The following MADCAM1 variants were observed in gnomAD, a reference collection of about 807,000 sequenced individuals.
The protein encoded by MADCAM1 is mucosal vascular addressin cell adhesion molecule 1.
Under a neutral mutation model 26.1 loss-of-function variants are expected in MADCAM1, and 19 were observed. The observed-to-expected ratio is 0.73, with a 90% confidence interval of 0.51 to 1.07. The LOEUF (loss-of-function observed/expected upper bound fraction) is 1.07, where lower values mean the gene tolerates loss of function less well. Ranked by LOEUF, MADCAM1 falls within the 50% of genes least tolerant of loss-of-function variation. MADCAM1 has a pLI of 0.00. For missense variants in MADCAM1, 514 were observed against 542.1 expected (o/e 0.95, Z 0.51); for synonymous variants, 268 against 260.9 (o/e 1.03, Z -0.26).
intron 3 of MADCAM1, among the ~76,000 whole-genome samples, chr19:499,546 G>A (rs965862601): frequency 3.3e-5 from 5 of 152,042 alleles, no homozygotes; most frequent in South Asian, 2.1e-4. Context: ...ACAGGCACAC[G>A]CGTGTACAAA....
intron 2 of MADCAM1, 140 bp downstream of exon 2, chr19:498,257 C>G (rs1206393427): frequency 1.7e-5 from 16 of 953,538 alleles, no homozygotes; most frequent in Non-Finnish European, 2.2e-5. Flanking sequence ...GGTCCCCGGC[C>G]TTCGCTTCCC....
chr19:502,125 T>C (rs1463412067), intron 4 of MADCAM1, among the ~76,000 whole-genome samples, 196 bp downstream of exon 4: 2 of 152,158 alleles, frequency 1.3e-5, no homozygotes, highest in Admixed American at 1.3e-4. Flanking sequence ...AGCCTCGGTT[T>C]CCCCATCTGC....
chr19:502,055 T>C, intron 4 of MADCAM1, 126 bp downstream of exon 4: 2 of 1,063,850 alleles, frequency 1.9e-6, no homozygotes, highest in Non-Finnish European at 2.6e-6. Flanking sequence ...CAGCCTCAGT[T>C]TCCCCGTCTG....
rs7246543 is a variant in MADCAM1, at chr19:504,830, C to T, written c.1014C>T (p.Thr338=). 12,288 of 1,612,766 alleles carry T rather than the reference C, an allele frequency of 7.6e-3. 68 individuals are homozygous for T. Among genetic ancestry groups the T allele is most frequent in the Non-Finnish European group, 9.6e-3 (11,273 of 1,179,880 alleles). The change falls in exon 5 of 5, where the codon ACC becomes ACT. Residue 338 remains threonine (T), a synonymous_variant. Transcript: ENST00000215637. ...GACTGCTGCTCCTGGCCTTGCCCAC[C>T]TATCACCTCTGGAAACGCTGCCGGC... is the stretch of plus-strand genomic sequence containing the variant. The part of the protein sequence containing the change: ...VLGLLLLALP[T]YHLWKRCRHL...
At chr19:501,077 T>C (rs2145820758) in intron 3 of MADCAM1, among the ~76,000 whole-genome samples, 1 of 152,098 alleles carries the variant, frequency 6.6e-6, no homozygotes, top group Non-Finnish European at 1.5e-5. Flanking sequence ...TGGTCCCAGC[T>C]ACTCAGGAGG....
At position 501,720 on chromosome 19, in the gene MADCAM1, C is replaced by CCCAACACCACCTCCCCGGAGTA. The variant is rs1978338619; in HGVS notation, c.719_720insCCAACACCACCTCCCCGGAGTA (p.Pro241GlnfsTer61). 1 of 1,566,588 alleles carries CCCAACACCACCTCCCCGGAGTA rather than the reference C, an allele frequency of 6.4e-7. No individual in the cohort carries two copies. The highest frequency in any genetic ancestry group is 8.7e-7 in the Non-Finnish European group (1 of 1,153,578). On this transcript the variant is annotated frameshift_variant, in exon 4 of 5. Transcript: ENST00000215637. LOFTEE classifies it high-confidence loss of function. The stretch of plus-strand genomic sequence containing the variant: ...CCTCCCGACACCACCTCCCCGGAGT[C>CCCAACACCACCTCCCCGGAGTA]TCCCGACACCACCTCCCCGGAGTCT...
In MADCAM1 at chr19:505,196, C is replaced by T. The variant is rs1978558044; in HGVS notation, c.*231C>T. On this transcript the variant is annotated 3_prime_UTR_variant, in exon 5 of 5. Coordinates refer to ENST00000215637, the MANE Select transcript of MADCAM1 (RefSeq NM_130760.3). ...CCCTCCCTGAGTGGTCCCCACCTTT[C>T]TGGACGGAACCACGTACTTTTTACA... 1 of 455,894 alleles carries T rather than the reference C, an allele frequency of 2.2e-6. No homozygotes were observed. The highest frequency in any genetic ancestry group is 3.9e-6 in the Non-Finnish European group (1 of 256,852). The allele number at this position is 455,894 out of a possible 1,614,324, so 28.2% of individuals were successfully genotyped here. A position where few individuals can be genotyped will look rare whatever the true frequency, so the allele number is the denominator to read the frequency against.
At position 498,588 on chromosome 19, in the gene MADCAM1, C is replaced by A; in HGVS notation, c.430C>A (p.Pro144Thr). 6.7e-7 allele frequency: 1 copy of A among 1,484,652 alleles called. No individual in the cohort carries two copies. The highest frequency in any genetic ancestry group is 8.9e-7 in the Non-Finnish European group (1 of 1,121,818). The allele number at this position is 1,484,652 out of a possible 1,614,324, so 92.0% of individuals were successfully genotyped here. Residue 144 changes from proline to threonine, a missense_variant, in exon 3 of 5, where the codon CCC becomes ACC. Transcript: ENST00000215637. ...CTAHKVTPVD[P>T]NALSFSLLVG... ...GGCCCACAAAGTCACGCCCGTGGAC[C>A]CCAACGCGCTCTCCTTCTCCCTGCT... is the stretch of plus-strand genomic sequence containing the variant.
In MADCAM1 at chr19:498,009, A is replaced by G; in HGVS notation, c.229A>G (p.Ser77Gly). The change falls in exon 2 of 5, where the codon AGC (serine) becomes GGC (glycine). Residue 77 changes from serine (S) to glycine (G), a missense_variant. Coordinates refer to ENST00000215637, the MANE Select transcript of MADCAM1 (RefSeq NM_130760.3). Reference sequence around the variant, plus strand: ...CGCGGTGCAGTCGGACACGGGCCGCAGCGTCCTCACCGTGCGCAACGCCTC... The same window carrying G: ...CGCGGTGCAGTCGGACACGGGCCGCGGCGTCCTCACCGTGCGCAACGCCTC... ...LGAVQSDTGR[S>G]VLTVRNASLS... is the part of the protein sequence containing the mutation. 2 of 1,503,864 alleles carry G rather than the reference A, an allele frequency of 1.3e-6. No individual in the cohort carries two copies. The highest frequency in any genetic ancestry group is 1.8e-6 in the Non-Finnish European group (2 of 1,132,422). 93.2% of individuals were successfully genotyped at this position (1,503,864 alleles called of 1,614,324 possible). A position where few individuals can be genotyped will look rare whatever the true frequency, so the allele number is the denominator to read the frequency against.
At chr19:499,785 T>C (rs1284260934) in intron 3 of MADCAM1, 1 of 456,376 alleles carries the variant, frequency 2.2e-6, no homozygotes, top group Non-Finnish European at 4.4e-6. Flanking sequence ...GATGAAGACA[T>C]TTAATGTGGG....
intron 2 of MADCAM1, 138 bp downstream of exon 2, chr19:498,255 GC>G: frequency 1.0e-6 from 1 of 980,256 alleles, no homozygotes; most frequent in Non-Finnish European, 1.4e-6. Flanking sequence ...CAGGTCCCCG[GC>G]CTTCGCTTCC....
chr19:503,620 G>A (rs1384201824), intron 4 of MADCAM1, among the ~76,000 whole-genome samples: 1 of 151,636 alleles, frequency 6.6e-6, no homozygotes, highest in East Asian at 1.9e-4. Flanking sequence ...ATGTGGTCGG[G>A]CCAAGCATGG....
chr19:501,627 G>A (rs763375250), intron 3 of MADCAM1, 42 bp from the exon 4 acceptor site: 10 of 1,541,654 alleles, frequency 6.5e-6, no homozygotes, highest in Non-Finnish European at 8.7e-6. Flanking sequence ...AGGCAAGCCT[G>A]GGGCAGCAGA....
chr19:503,643 G>A (rs113166209), intron 4 of MADCAM1, among the ~76,000 whole-genome samples: 9,295 of 151,850 alleles, frequency 0.061, 909 homozygotes, highest in African/African-American at 0.21. Context: ...GCTCATGCCT[G>A]TAATGCCAGC....
Position 498,037 on chromosome 19 carries a change from T to C in MADCAM1, c.257T>C (p.Leu86Pro). ...RSVLTVRNAS[L>P]SAAGTRVCVG... ...GTCCTCACCGTGCGCAACGCCTCGC[T>C]GTCGGCGGCCGGGACCCGCGTGTGC... Residue 86 changes from leucine (L) to proline (P), a missense_variant, in exon 2 of 5, where the codon CTG (leucine) becomes CCG (proline). Leu to Pro is a moderately conservative substitution (Grantham distance 98). Around this residue, in one of 3 missense-constraint regions of MADCAM1, gnomAD observed 317 missense variants for 313.6 expected, o/e 1.01. Coordinates refer to ENST00000215637, the MANE Select transcript of MADCAM1 (RefSeq NM_130760.3). 1 of 1,493,104 alleles carries C rather than the reference T, an allele frequency of 6.7e-7. No individual in the cohort carries two copies. The highest frequency in any genetic ancestry group is 8.9e-7 in the Non-Finnish European group (1 of 1,127,454). 92.5% of individuals were successfully genotyped at this position (1,493,104 alleles called of 1,614,324 possible). A position where few individuals can be genotyped will look rare whatever the true frequency, so the allele number is the denominator to read the frequency against.
chr19:503,306 GCA>G (rs1568318616), intron 4 of MADCAM1, among the ~76,000 whole-genome samples: 2 of 148,280 alleles, frequency 1.3e-5, no homozygotes, highest in East Asian at 4.1e-4. Flanking sequence ...AATGGGCCGG[GCA>G]CGGTGGCTTA....
At chr19:497,103 AGTG>A in intron 1 of MADCAM1, among the ~76,000 whole-genome samples, 1 of 8,414 alleles carries the variant, frequency 1.2e-4, no homozygotes, top group African/African-American at 6.8e-4. Flanking sequence ...GGCGCAGGAG[AGTG>A]GAGGGGGCTC....
chr19:501,183 C>T (rs981274338), intron 3 of MADCAM1, among the ~76,000 whole-genome samples: 25 of 150,796 alleles, frequency 1.7e-4, no homozygotes, highest in African/African-American at 6.1e-4. Flanking sequence ...AGTGAGACCC[C>T]ATCTCTAAAA....
chr19:502,040 C>T (rs1406721771), intron 4 of MADCAM1, 111 bp downstream of exon 4: 6 of 1,179,256 alleles, frequency 5.1e-6, no homozygotes, highest in East Asian at 2.8e-5. Context: ...GTTTCCCCGT[C>T]TGCCCAGCCT....
Sources: gnomAD v4.1 joint callset for allele counts (sites outside exome capture counted in the v4.1 genomes callset) on GRCh38, gnomAD v4.1.1 for gene constraint, gnomAD v4.1.1 regional missense constraint, MANE v1.5 for transcripts, NCBI Gene and HGNC (gene_info 2026-07-23, HGNC 2026-07-21) for gene names.